Variants in GRHL1 observed in about 807,000 individuals in gnomAD.
GRHL1 encodes the protein grainyhead-like protein 1 homolog.
Under a neutral mutation model 75.7 loss-of-function variants are expected in GRHL1, and 38 were observed. The observed-to-expected ratio is 0.50, with a 90% confidence interval of 0.39 to 0.66. The LOEUF is 0.66. Among genes scored for constraint, GRHL1 ranks in the 30% least tolerant of loss-of-function variants. The probability of loss-of-function intolerance (pLI) is 0.00; values close to 1 mark genes in which losing one functional copy is unlikely to be tolerated. For missense variants in GRHL1, 589 were observed against 767.5 expected, an observed-to-expected ratio of 0.77 and a Z score of 2.75; for synonymous variants, 266 against 279.4, an observed-to-expected ratio of 0.95 and a Z score of 0.48.
chr2:9,958,178 T>C (rs915077507), intron 2 of GRHL1, among the ~76,000 whole-genome samples: 2 of 144,348 alleles, frequency 1.4e-5, no homozygotes, highest in Admixed American at 6.7e-5. Flanking sequence ...TTTTTTCTTT[T>C]TTTTTTTTTT....
intron 12 of GRHL1, 56 bp downstream of exon 12, chr2:9,993,300 G>GCAGTTTTTC: frequency 2.1e-6 from 3 of 1,418,122 alleles, no homozygotes; most frequent in Non-Finnish European, 3.0e-6. Flanking sequence ...TTTCAAACTT[G>GCAGTTTTTC]TAGAAAAACT....
intron 14 of GRHL1, 49 bp from the exon 15 acceptor site, chr2:9,998,916 C>G: frequency 5.0e-6 from 4 of 797,094 alleles, no homozygotes; most frequent in Non-Finnish European, 7.6e-6. Context: ...TGTTTGGTTT[C>G]TAAAGCCTTG....
chr2:9,965,545 GATC>G (rs758808349), intron 8 of GRHL1, 164 bp downstream of exon 8: 43 of 583,764 alleles, frequency 7.4e-5, no homozygotes, highest in Non-Finnish European at 1.1e-4. Context: ...CTCCAAAACA[GATC>G]ATTTTTGTTG....
At chr2:9,981,996 T>A (rs145519707) in intron 8 of GRHL1, among the ~76,000 whole-genome samples, 13 of 152,350 alleles carry the variant, frequency 8.5e-5, no homozygotes, top group African/African-American at 2.4e-4. Flanking sequence ...GAGAGTTTAA[T>A]GTGTGTGTAC....
chr2:9,972,848 C>T (rs1175721157), intron 8 of GRHL1, among the ~76,000 whole-genome samples: 7 of 152,190 alleles, frequency 4.6e-5, no homozygotes, highest in African/African-American at 7.2e-5. Context: ...AGGGGAGAAC[C>T]GTGTGCAGGT....
intron 13 of GRHL1, 60 bp downstream of exon 13, chr2:9,996,030 C>A: frequency 9.4e-7 from 1 of 1,069,440 alleles, no homozygotes; most frequent in Non-Finnish European, 1.5e-6. Context: ...CAGAATCTAT[C>A]AAAAGCATAA....
chr2:9,955,862 T>TC (rs1224846810), intron 2 of GRHL1, among the ~76,000 whole-genome samples: 1 of 152,246 alleles, frequency 6.6e-6, no homozygotes, highest in African/African-American at 2.4e-5. Flanking sequence ...TCTCCATTCT[T>TC]CCTTCTGACC....
chr2:9,965,507 T>C lies in GRHL1; in HGVS notation c.1110+126T>C. On this transcript the variant is annotated intron_variant, in intron 8 of 15. Transcript: ENST00000324907. ...GTTTCATTCTCAGGTGTTATGAAAC[T>C]ATCCTCTTCCCTTTTTATTCTCCCC... 4.9e-6 allele frequency: 3 copies of C among 614,006 alleles called. No homozygotes were observed. In the South Asian group the frequency reaches 6.0e-5, roughly 12 times the overall value. The allele number at this position is 614,006 out of a possible 1,614,324, so 38.0% of individuals were successfully genotyped here. A position where few individuals can be genotyped will look rare whatever the true frequency, so the allele number is the denominator to read the frequency against.
At chr2:9,957,941 G>A (rs554059356) in intron 2 of GRHL1, among the ~76,000 whole-genome samples, 1 of 152,154 alleles carries the variant, frequency 6.6e-6, no homozygotes. Context: ...GGTGATGGAC[G>A]TATGAATCCC....
At chr2:9,983,083 C>A (rs969737804) in intron 8 of GRHL1, among the ~76,000 whole-genome samples, 1 of 152,172 alleles carries the variant, frequency 6.6e-6, no homozygotes, top group Non-Finnish European at 1.5e-5. Context: ...AGGGTTAAAC[C>A]CGGCACGTAT....
rs1392063034 is a variant in GRHL1, at chr2:9,986,138, G to T, written c.1125G>T (p.Val375=). ...TCCCTTGGCAGGTTTTCATCTCTGT[G>T]AACTGCTTAAGCACAGATTTCTCTT... ...INDEAKVFIS[V]NCLSTDFSSQ... The change falls in exon 9 of 16, where the codon GTG becomes GTT. Residue 375 remains valine (V), a synonymous_variant. Coordinates refer to ENST00000324907, the MANE Select transcript of GRHL1 (RefSeq NM_198182.3). 1.2e-6 allele frequency: 2 copies of T among 1,609,590 alleles called. No individual in the cohort carries two copies.
At chr2:9,961,664 A>G (rs891692369) in intron 4 of GRHL1, among the ~76,000 whole-genome samples, 13 of 152,204 alleles carry the variant, frequency 8.5e-5, no homozygotes, top group Middle Eastern at 3.2e-3. Context: ...CAGCTGAGTT[A>G]ACAATTATGA....
rs565230993 is a variant in GRHL1 at position 9,957,630 on chromosome 2, C to T, written c.208-1156C>T. ...TTTAACATGTTGGCCAGGATGGTCT[C>T]GATCTCTTGACCTTGTGATCCACCC... On this transcript the variant is annotated intron_variant, in intron 2 of 15. Coordinates refer to ENST00000324907, the MANE Select transcript of GRHL1 (RefSeq NM_198182.3). Among the ~76,000 whole-genome samples the T allele has an allele frequency of 1.5e-4, 23 of 151,946 alleles. 1 individual carries two copies. Among genetic ancestry groups the T allele is most frequent in the Middle Eastern group, 6.8e-3 (2 of 292 alleles).
At chr2:9,952,906 G>A in intron 1 of GRHL1, 1 of 425,524 alleles carries the variant, frequency 2.4e-6, no homozygotes. Flanking sequence ...TTATGTTGTA[G>A]AATATGCAGT....
chr2:9,971,698 A>G (rs576370607), intron 8 of GRHL1, among the ~76,000 whole-genome samples: 6 of 152,362 alleles, frequency 3.9e-5, no homozygotes, highest in African/African-American at 1.4e-4. Flanking sequence ...ATTCCTTTAT[A>G]GGGAATGAAT....
chr2:9,994,441 G>T (rs536366087), intron 12 of GRHL1, among the ~76,000 whole-genome samples: 1 of 151,988 alleles, frequency 6.6e-6, no homozygotes, highest in Non-Finnish European at 1.5e-5. Context: ...GATGGAGAGA[G>T]CCAAGATTTC....
intron 1 of GRHL1, chr2:9,952,993 G>T (rs1666856912): frequency 2.2e-6 from 1 of 456,588 alleles, no homozygotes; most frequent in Non-Finnish European, 4.4e-6. Context: ...TGAAAGTGAT[G>T]ATGAGCCTTC....
intron 7 of GRHL1, chr2:9,964,854 T>C (rs893448643): frequency 1.2e-5 from 2 of 173,178 alleles, no homozygotes; most frequent in African/African-American, 4.8e-5. Context: ...AGACCTCTGT[T>C]CTTGCCATGT....
Position 9,990,816 on chromosome 2 carries a change from CT to C in GRHL1, c.1321+73del. On this transcript the variant is annotated intron_variant, in intron 10 of 15. Transcript: ENST00000324907. This position sits in a 1 kb window ranked among gnomAD's most constrained non-coding sequence, Gnocchi z 4.2. The stretch of plus-strand genomic sequence containing the variant: ...GAAATGTTCCCGGCAAGCTTCAGAC[CT>C]TTTCCATTGAGAATGGTGGCTGGAG... 2 of 1,287,018 alleles carry C rather than the reference CT, an allele frequency of 1.6e-6. No individual in the cohort carries two copies. Among genetic ancestry groups the C allele is most frequent in the Non-Finnish European group, 2.2e-6 (2 of 897,456 alleles). The allele number at this position is 1,287,018 out of a possible 1,614,324, so 79.7% of individuals were successfully genotyped here. A position where few individuals can be genotyped will look rare whatever the true frequency, so the allele number is the denominator to read the frequency against.
Sources: gnomAD v4.1 joint callset for allele counts (sites outside exome capture counted in the v4.1 genomes callset) on GRCh38, gnomAD v4.1.1 for gene constraint, Gnocchi (gnomAD v3.1) non-coding constraint, MANE v1.5 for transcripts, NCBI Gene and HGNC (gene_info 2026-07-23, HGNC 2026-07-21) for gene names.